Variants in PIWIL4 observed in about 807,000 individuals in gnomAD.
PIWIL4 encodes piwi like RNA-mediated gene silencing 4.
A neutral mutation model predicts 100.9 loss-of-function variants in PIWIL4; 50 were observed. The ratio of observed to expected loss-of-function variants is 0.50; its 90% confidence interval spans 0.39 to 0.63. The LOEUF is 0.63. Ranked by LOEUF, PIWIL4 falls within the 20% of genes least tolerant of loss-of-function variation. The pLI is 0.00. For missense variants in PIWIL4, 887 were observed against 1,043.3 expected, an observed-to-expected ratio of 0.85 and a Z score of 2.06; for synonymous variants, 342 against 367.5, an observed-to-expected ratio of 0.93 and a Z score of 0.79.
In PIWIL4 at chr11:94,589,184, T is replaced by C; in HGVS notation, c.978T>C (p.Phe326=). ...GGTCAGTGAAGCCCACACACACCTTTCAGAAGCGGGATGGCACCGAGATCA... is the reference window on the plus strand; with the variant it reads ...GGTCAGTGAAGCCCACACACACCTTCCAGAAGCGGGATGGCACCGAGATCA... The part of the protein sequence containing the change: ...IDWSVKPTHT[F]QKRDGTEITY... Residue 326 remains phenylalanine, a synonymous_variant, in exon 8 of 20, where the codon TTT becomes TTC. Transcript: ENST00000299001. 3 of 1,613,300 alleles carry C rather than the reference T, an allele frequency of 1.9e-6. No individual in the cohort carries two copies. Among genetic ancestry groups the C allele is most frequent in the Non-Finnish European group, 2.5e-6 (3 of 1,179,306 alleles).
intron 4 of PIWIL4, among the ~76,000 whole-genome samples, chr11:94,582,504 A>G (rs1341220894): frequency 6.6e-6 from 1 of 152,222 alleles, no homozygotes; most frequent in African/African-American, 2.4e-5. Flanking sequence ...TAGCTGTAGA[A>G]AGTAGAGGCA....
chr11:94,586,940 A>T lies in PIWIL4; in HGVS notation c.717-110A>T, dbSNP rs149706426. 1.5e-3 allele frequency: 1,661 copies of T among 1,105,078 alleles called. 19 individuals are homozygous for T. In the African/African-American group the frequency reaches 0.023, roughly 15 times the overall value. 68.5% of individuals were successfully genotyped at this position (1,105,078 alleles called of 1,614,324 possible). A position where few individuals can be genotyped will look rare whatever the true frequency, so the allele number is the denominator to read the frequency against. ...AGAAATCAGACTAAAGAAAAAAATT[A>T]TCTTGTTAAGATCTCGAGAATTAGA... On this transcript the variant is annotated intron_variant, in intron 6 of 19. Coordinates refer to ENST00000299001, the MANE Select transcript of PIWIL4 (RefSeq NM_152431.3).
chr11:94,597,830 A>T lies in PIWIL4; in HGVS notation c.1295A>T (p.Glu432Val), dbSNP rs374638361. Residue 432 changes from glutamate (E) to valine (V), a missense_variant, in exon 11 of 20, where the codon GAG becomes GTG. By Grantham distance (121) the Glu-to-Val change is moderately radical. This residue lies in a region of PIWIL4 where 741 missense variants were observed against 930.0 expected (regional missense o/e 0.80). Transcript: ENST00000299001. ...AATACCAATGCTCGCTTTGAACTAG[A>T]GACCTGGGGACTGCATTTTGGAAGC... ...QRNTNARFEL[E>V]TWGLHFGSQI... 18 of 1,613,722 alleles carry T rather than the reference A, an allele frequency of 1.1e-5. No homozygotes were observed. The African/African-American group carries it at 2.1e-4, about 19-fold the overall frequency.
chr11:94,582,283 TC>T (rs1046606059), intron 4 of PIWIL4, among the ~76,000 whole-genome samples: 2 of 152,160 alleles, frequency 1.3e-5, no homozygotes, highest in Non-Finnish European at 2.9e-5. Context: ...GAGGTGGGCA[TC>T]CCTTCTGTCT....
chr11:94,594,747 G>T (rs997896473), intron 9 of PIWIL4, among the ~76,000 whole-genome samples: 1 of 152,040 alleles, frequency 6.6e-6, no homozygotes, highest in Non-Finnish European at 1.5e-5. Flanking sequence ...GGTCAGGCTG[G>T]TCTCAAACTC....
At chr11:94,582,166 G>T (rs1169120634) in intron 4 of PIWIL4, among the ~76,000 whole-genome samples, 1 of 152,104 alleles carries the variant, frequency 6.6e-6, no homozygotes, top group African/African-American at 2.4e-5. Context: ...TGAAAATGCA[G>T]TTCCTGAGAC....
chr11:94,596,050 T>C (rs1948554446), intron 10 of PIWIL4, among the ~76,000 whole-genome samples: 1 of 152,202 alleles, frequency 6.6e-6, no homozygotes, highest in Non-Finnish European at 1.5e-5. Context: ...ATGTGGCTAG[T>C]GACACATCTA....
At chr11:94,577,977 T>A (rs1375116055) in intron 4 of PIWIL4, among the ~76,000 whole-genome samples, 2 of 152,202 alleles carry the variant, frequency 1.3e-5, no homozygotes, top group East Asian at 3.9e-4. Flanking sequence ...GCCATTTTTC[T>A]GCTCAAGCTT....
chr11:94,612,422 A>G (rs1028426676), intron 15 of PIWIL4, among the ~76,000 whole-genome samples: 2 of 151,216 alleles, frequency 1.3e-5, no homozygotes, highest in Admixed American at 6.6e-5. Context: ...TTTACTTTCA[A>G]TCTATGTGTG....
At chr11:94,575,324 T>C (rs1948222862) in intron 3 of PIWIL4, among the ~76,000 whole-genome samples, 194 bp downstream of exon 3, 1 of 152,244 alleles carries the variant, frequency 6.6e-6, no homozygotes. Flanking sequence ...AGAAATAATA[T>C]CTTCCCCCAA....
Position 94,583,480 on chromosome 11 carries a change from TGA to T in PIWIL4, c.549_550del (p.Glu183AspfsTer45), listed in dbSNP as rs1183331153. 1.1e-5 allele frequency: 17 copies of T among 1,613,824 alleles called. No homozygotes were observed. Among genetic ancestry groups the T allele is most frequent in the Non-Finnish European group, 1.3e-5 (15 of 1,179,768 alleles). On this transcript the variant is annotated frameshift_variant, in exon 5 of 20. Transcript: ENST00000299001. LOFTEE classifies it high-confidence loss of function. ...TELSSETQRGETIKMTITLKR... is the reference protein window; with the variant it reads ...TELSSETQRGXTIKMTITLKR... ...AGTTGTCAAGTGAAACTCAAAGAGGTGAGACTATAAAGATGACTATCACCCTG... is the reference window on the plus strand; with the variant it reads ...AGTTGTCAAGTGAAACTCAAAGAGGTGACTATAAAGATGACTATCACCCTG...
chr11:94,619,739 T>A, intron 17 of PIWIL4, 21 bp from the exon 18 acceptor site: 9 of 1,605,158 alleles, frequency 5.6e-6, no homozygotes, highest in Non-Finnish European at 7.6e-6. Context: ...TCTTTTCATA[T>A]TTTGCCTCTC....
At chr11:94,578,588 C>T (rs551863285) in intron 4 of PIWIL4, among the ~76,000 whole-genome samples, 10 of 152,244 alleles carry the variant, frequency 6.6e-5, no homozygotes, top group Admixed American at 3.9e-4. Flanking sequence ...GGCATTGTTC[C>T]CATAAACTTT....
intron 11 of PIWIL4, among the ~76,000 whole-genome samples, chr11:94,600,284 A>C (rs569276618): frequency 6.6e-6 from 1 of 152,280 alleles, no homozygotes; most frequent in South Asian, 2.1e-4. Context: ...ACCTGCCCCG[A>C]TAGTCACATA....
Position 94,621,106 on chromosome 11 carries a change from T to C in PIWIL4, c.*114T>C, listed in dbSNP as rs1235589966. On this transcript the variant is annotated 3_prime_UTR_variant, in exon 20 of 20. Transcript: ENST00000299001. Reference sequence around the variant, plus strand: ...CTGGGGAAAAAGATTGAGCTTAGTTTTCATGTCTAGGAAAAAAAGCAAAAC... The same window carrying C: ...CTGGGGAAAAAGATTGAGCTTAGTTCTCATGTCTAGGAAAAAAAGCAAAAC... 1 of 688,194 alleles carries C rather than the reference T, an allele frequency of 1.5e-6. No individual in the cohort carries two copies. The highest frequency in any genetic ancestry group is 2.7e-5 in the East Asian group (1 of 36,590). The allele number at this position is 688,194 out of a possible 1,614,324, so 42.6% of individuals were successfully genotyped here.
chr11:94,569,367 T>C (rs1434438317), intron 2 of PIWIL4, among the ~76,000 whole-genome samples: 3 of 77,110 alleles, frequency 3.9e-5, no homozygotes, highest in Non-Finnish European at 9.0e-5. Context: ...TATCTTTTGT[T>C]TTTTTTTTTT....
At chr11:94,610,693 G>C (rs1056552013) in intron 15 of PIWIL4, among the ~76,000 whole-genome samples, 3 of 152,070 alleles carry the variant, frequency 2.0e-5, no homozygotes, top group Middle Eastern at 3.4e-3. Flanking sequence ...AATTGTATGG[G>C]TTCTTCATAT....
chr11:94,620,748 G>T, intron 19 of PIWIL4, 128 bp from the exon 20 acceptor site: 1 of 636,520 alleles, frequency 1.6e-6, no homozygotes, highest in South Asian at 2.2e-5. Context: ...GTTGGTTGAG[G>T]TTACCTGTTG....
In PIWIL4 at chr11:94,577,333, C is replaced by T. The variant is rs138151600; in HGVS notation, c.354C>T (p.Pro118=). ...CAAACCTCTTTAACTTAGATTTTCCCCAAGACTGGCAGCTATACCAGTACC... is the reference window on the plus strand; with the variant it reads ...CAAACCTCTTTAACTTAGATTTTCCTCAAGACTGGCAGCTATACCAGTACC... ...LVTNLFNLDF[P]QDWQLYQYHV... is the part of the protein sequence containing the mutation. The change falls in exon 4 of 20, where the codon CCC becomes CCT. Residue 118 remains proline, a synonymous_variant. Transcript: ENST00000299001. 2.2e-5 allele frequency: 36 copies of T among 1,613,930 alleles called. No individual in the cohort carries two copies. The Middle Eastern group carries it at 2.3e-3, about 103-fold the overall frequency.
Sources: allele counts gnomAD v4.1 joint callset (sites outside exome capture counted in the v4.1 genomes callset), GRCh38; gene constraint gnomAD v4.1.1; regional missense constraint gnomAD v4.1.1; transcripts MANE v1.5; gene names NCBI Gene and HGNC (gene_info 2026-07-23, HGNC 2026-07-21).